BEND6: variants seen among roughly 807,000 people sequenced by gnomAD.
BEND6 encodes the protein BEN domain-containing protein 6.
BEND6 carries 24 observed loss-of-function variants against 31.8 expected under a neutral mutation model. The ratio of observed to expected loss-of-function variants is 0.75; its 90% CI spans 0.55 to 1.06. The LOEUF is 1.06. Among genes scored for constraint, BEND6 ranks in the 50% least tolerant of loss-of-function variants. The pLI is 0.00. For synonymous variants in BEND6, 109 were observed against 114.6 expected, an observed-to-expected ratio of 0.95 and a Z score of 0.31; for missense variants, 294 against 327.4, an observed-to-expected ratio of 0.90 and a Z score of 0.79.
chr6:56,978,295 A>G (rs902677947), intron 1 of BEND6, among the ~76,000 whole-genome samples: 1 of 152,046 alleles, frequency 6.6e-6, no homozygotes, highest in Non-Finnish European at 1.5e-5. Flanking sequence ...ATAAAATAAA[A>G]TAAAATAAAA....
At chr6:57,014,502 TG>T in intron 3 of BEND6, 2 of 1,524,660 alleles carry the variant, frequency 1.3e-6, no homozygotes, top group African/African-American at 1.4e-5. Flanking sequence ...CCATTTTACA[TG>T]GAGGCATGAA....
In BEND6 at chr6:57,018,546, T is replaced by C. The variant is rs1375910521; in HGVS notation, c.838T>C (p.Ter280GlnextTer16). Residue 280 changes from the stop codon to glutamine (Q), a stop_lost, in exon 6 of 7, where the codon TAG becomes CAG. Transcript: ENST00000370746. ...SKNLNSQDIK[*>Q] ...AAATCTTAACTCTCAGGATATTAAA[T>C]AGATCCTTTTGGTAAGTCTTTTAAA... The C allele has an allele frequency of 2.0e-6, 3 of 1,533,500 alleles. No individual in the cohort carries two copies. In the South Asian group the frequency reaches 3.9e-5, roughly 20 times the overall value. The allele number at this position is 1,533,500 out of a possible 1,614,324, so 95.0% of individuals were successfully genotyped here. A position where few individuals can be genotyped will look rare whatever the true frequency, so the allele number is the denominator to read the frequency against.
chr6:56,975,968 G>A (rs1437415883), intron 1 of BEND6: 6 of 520,656 alleles, frequency 1.2e-5, no homozygotes, highest in Admixed American at 2.0e-5. Flanking sequence ...AGTCATGGTC[G>A]ACGCCATGTG....
intron 2 of BEND6, among the ~76,000 whole-genome samples, chr6:56,987,870 TG>T: frequency 6.6e-6 from 1 of 152,316 alleles, no homozygotes; most frequent in Non-Finnish European, 1.5e-5. Context: ...TATGCCAGTT[TG>T]GTAGTTTCAG....
At chr6:57,021,284 T>C (rs888801216) in intron 6 of BEND6, among the ~76,000 whole-genome samples, 1 of 152,198 alleles carries the variant, frequency 6.6e-6, no homozygotes, top group Non-Finnish European at 1.5e-5. Context: ...TAATCAGATA[T>C]AGCACCATCT....
intron 3 of BEND6, among the ~76,000 whole-genome samples, chr6:56,996,470 C>A (rs543479185): frequency 2.7e-5 from 4 of 150,166 alleles, no homozygotes; most frequent in African/African-American, 7.3e-5. Flanking sequence ...AAAACAAAAA[C>A]AAAAAAAAAC....
intron 1 of BEND6, among the ~76,000 whole-genome samples, chr6:56,974,400 T>A (rs1246122888): frequency 6.6e-6 from 1 of 152,228 alleles, no homozygotes; most frequent in Non-Finnish European, 1.5e-5. Flanking sequence ...AAGGTAAGAA[T>A]GTTTTTTACA....
At chr6:57,013,767 T>C (rs972461326) in intron 3 of BEND6, 1 of 152,286 alleles carries the variant, frequency 6.6e-6, no homozygotes, top group Admixed American at 6.5e-5. Context: ...CTACACAGCC[T>C]GGTTTGTAAA....
intron 1 of BEND6, among the ~76,000 whole-genome samples, chr6:56,972,241 T>C (rs1368664977): frequency 1.3e-5 from 2 of 151,868 alleles, no homozygotes; most frequent in Non-Finnish European, 2.9e-5. Flanking sequence ...ACTAAAGTCA[T>C]GCGCCACCAG....
rs142783287 is a variant in BEND6 at position 57,000,884 on chromosome 6, G to GAAA, written c.298+8345_298+8347dup. 4.4e-3 allele frequency among the ~76,000 whole-genome samples: 436 copies of GAAA among 99,738 alleles called. 8 individuals carry two copies. The highest frequency in any genetic ancestry group is 0.016 in the African/African-American group (402 of 24,708). 65.4% of individuals were successfully genotyped at this position (99,738 alleles called of 152,430 possible). The stretch of plus-strand genomic sequence containing the variant: ...TCAACCAATATTAAACACTTCCTCT[G>GAAA]AAAAAAAAAAAAAAAAAAGAAGTGC... On this transcript the variant is annotated intron_variant, in intron 3 of 6. Coordinates refer to ENST00000370746, the MANE Select transcript of BEND6 (RefSeq NM_152731.3).
At chr6:57,010,923 AAAAT>A (rs1302937166) in intron 3 of BEND6, 1 of 484,942 alleles carries the variant, frequency 2.1e-6, no homozygotes, top group African/African-American at 2.1e-5. Context: ...CAACTCAAGA[AAAAT>A]AAAAGATTAA....
chr6:56,965,728 GGATA>G (rs1015989702), intron 1 of BEND6, among the ~76,000 whole-genome samples: 5 of 145,464 alleles, frequency 3.4e-5, no homozygotes, highest in Admixed American at 2.8e-4. Context: ...GTGTATAATG[GGATA>G]GATATTTCAA....
intron 1 of BEND6, among the ~76,000 whole-genome samples, chr6:56,981,157 A>G (rs1264261824): frequency 1.3e-5 from 2 of 152,152 alleles, no homozygotes; most frequent in Non-Finnish European, 2.9e-5. Flanking sequence ...TAAAATCTTT[A>G]TGAAAATACT....
intron 4 of BEND6, among the ~76,000 whole-genome samples, chr6:57,016,604 C>G (rs796871104): frequency 1.3e-5 from 2 of 152,320 alleles, no homozygotes; most frequent in African/African-American, 4.8e-5. Context: ...CAGCCCACTT[C>G]GGCCATCTTC....
chr6:56,955,261 C>T lies in BEND6; in HGVS notation c.-300C>T, dbSNP rs954839625. The T allele has an allele frequency of 2.6e-5, 4 of 152,110 alleles. No individual in the cohort carries two copies. Among genetic ancestry groups the T allele is most frequent in the African/African-American group, 9.7e-5 (4 of 41,430 alleles). 9.4% of individuals were successfully genotyped at this position (152,110 alleles called of 1,614,324 possible). ...GTCCGCGGGTGCATTGGCCGGGTGCCTCTAGCTTCCCGGACACCCGGAGCT... is the reference window on the plus strand; with the variant it reads ...GTCCGCGGGTGCATTGGCCGGGTGCTTCTAGCTTCCCGGACACCCGGAGCT... On this transcript the variant is annotated 5_prime_UTR_variant, in exon 1 of 7. Coordinates refer to ENST00000370746, the MANE Select transcript of BEND6 (RefSeq NM_152731.3).
At chr6:56,988,974 T>G (rs776745101) in intron 2 of BEND6, among the ~76,000 whole-genome samples, 1 of 152,096 alleles carries the variant, frequency 6.6e-6, no homozygotes, top group Non-Finnish European at 1.5e-5. Flanking sequence ...GAGGTTGCAG[T>G]GAGCCGAGAT....
intron 2 of BEND6, among the ~76,000 whole-genome samples, chr6:56,988,672 A>G (rs2127859395): frequency 6.6e-6 from 1 of 152,166 alleles, no homozygotes; most frequent in South Asian, 2.1e-4. Context: ...CACCTACCCC[A>G]TTCCCTGCCT....
chr6:57,023,467 G>C (rs1035719983), intron 6 of BEND6, among the ~76,000 whole-genome samples: 1 of 152,036 alleles, frequency 6.6e-6, no homozygotes, highest in Non-Finnish European at 1.5e-5. Context: ...GTTGCATCAC[G>C]TATCTATTTC....
At chr6:56,972,085 T>TC (rs1825708604) in intron 1 of BEND6, among the ~76,000 whole-genome samples, 3 of 129,170 alleles carry the variant, frequency 2.3e-5, no homozygotes, top group Non-Finnish European at 3.3e-5. Context: ...TACTTTACTT[T>TC]CTTTTTTTTT....
Sources: allele counts gnomAD v4.1 joint callset (sites outside exome capture counted in the v4.1 genomes callset), GRCh38; gene constraint gnomAD v4.1.1; transcripts MANE v1.5; gene names NCBI Gene and HGNC (gene_info 2026-07-23, HGNC 2026-07-21).